The following ADGRE1 variants were observed in gnomAD, a reference collection of about 807,000 sequenced individuals.
ADGRE1 encodes the protein adhesion G protein-coupled receptor E1, also known as EGF-like module receptor 1.
ADGRE1 carries 82 observed loss-of-function variants against 102.7 expected under a neutral mutation model. The observed-to-expected ratio is 0.80, with a 90% CI of 0.67 to 0.96. ADGRE1 has a LOEUF of 0.96. ADGRE1 is among the 40% of genes least tolerant of loss of function. ADGRE1 has a pLI of 0.00. For missense variants in ADGRE1, 1,032 were observed against 1,085.3 expected, an observed-to-expected ratio of 0.95 and a Z score of 0.69; for synonymous variants, 398 against 399.6, an observed-to-expected ratio of 1.00 and a Z score of 0.05.
Position 6,940,364 on chromosome 19 carries a change from A to C in ADGRE1, c.*335A>C. ...CCTGCCCTTGTTGGTGCATGGTTCT[A>C]AGCATGCCCCTCCAGAGCCTATCAT... On this transcript the variant is annotated 3_prime_UTR_variant, in exon 21 of 21. Coordinates refer to ENST00000312053, the MANE Select transcript of ADGRE1 (RefSeq NM_001974.5). The C allele has an allele frequency of 2.3e-6, 1 of 429,826 alleles. No homozygotes were observed. Among genetic ancestry groups the C allele is most frequent in the South Asian group, 2.8e-5 (1 of 36,258 alleles). 26.6% of individuals were successfully genotyped at this position (429,826 alleles called of 1,614,324 possible). A position where few individuals can be genotyped will look rare whatever the true frequency, so the allele number is the denominator to read the frequency against.
At chr19:6,928,397 G>A (rs1000322065) in intron 17 of ADGRE1, 186 bp downstream of exon 17, 11 of 1,398,948 alleles carry the variant, frequency 7.9e-6, no homozygotes, top group African/African-American at 7.3e-5. Context: ...AGGCTGAGGC[G>A]GGTGGATCAC....
intron 14 of ADGRE1, among the ~76,000 whole-genome samples, chr19:6,922,946 G>A (rs752762247): frequency 5.9e-5 from 9 of 151,924 alleles, no homozygotes; most frequent in African/African-American, 1.7e-4. Flanking sequence ...GCGTGGTGGC[G>A]GGCACCTGCA....
intron 17 of ADGRE1, among the ~76,000 whole-genome samples, chr19:6,930,339 A>C (rs1025941987): frequency 6.6e-6 from 1 of 152,178 alleles, no homozygotes. Context: ...CCCAACCTCC[A>C]TCCAGACTTG....
At chr19:6,924,258 C>T (rs1974789065) in intron 14 of ADGRE1, among the ~76,000 whole-genome samples, 1 of 152,058 alleles carries the variant, frequency 6.6e-6, no homozygotes, top group Non-Finnish European at 1.5e-5. Flanking sequence ...TGCCACCCCA[C>T]TCCACCATGA....
chr19:6,897,125 T>C (rs753990652), intron 3 of ADGRE1, 24 bp from the exon 4 acceptor site: 2 of 1,562,812 alleles, frequency 1.3e-6, no homozygotes, highest in East Asian at 2.3e-5. Context: ...ATAAGTAAAT[T>C]TGTAACTCCA....
intron 18 of ADGRE1, among the ~76,000 whole-genome samples, chr19:6,936,041 T>C (rs1568366582): frequency 6.6e-6 from 1 of 152,218 alleles, no homozygotes; most frequent in Non-Finnish European, 1.5e-5. Context: ...GCAACCATCA[T>C]CTAGGTTTTA....
At chr19:6,930,459 G>A (rs1280628890) in intron 17 of ADGRE1, among the ~76,000 whole-genome samples, 2 of 151,764 alleles carry the variant, frequency 1.3e-5, no homozygotes, top group Non-Finnish European at 2.9e-5. Context: ...TTTAATTTTT[G>A]TGGGCACAAA....
chr19:6,890,022 T>C, intron 1 of ADGRE1, among the ~76,000 whole-genome samples: 1 of 152,044 alleles, frequency 6.6e-6, no homozygotes, highest in East Asian at 1.9e-4. Flanking sequence ...AAGCAATCCT[T>C]CCACCTCAGC....
chr19:6,919,651 G>A lies in ADGRE1; in HGVS notation c.1524G>A (p.Lys508=). The A allele has an allele frequency of 6.2e-7, 1 of 1,613,606 alleles. No homozygotes were observed. The highest frequency in any genetic ancestry group is 8.5e-7 in the Non-Finnish European group (1 of 1,179,930). The change falls in exon 13 of 21, where the codon AAG becomes AAA. Residue 508 remains lysine (K), a synonymous_variant. Coordinates refer to ENST00000312053, the MANE Select transcript of ADGRE1 (RefSeq NM_001974.5). ...CTCCCTTGACCACCTCTGAGATCAA[G>A]CTGAAGATGAATTCTCGAGTCGTTG... ...HQAPLTTSEI[K]LKMNSRVVGG... is the part of the protein sequence containing the mutation.
intron 17 of ADGRE1, among the ~76,000 whole-genome samples, chr19:6,934,043 A>C (rs1975278660): frequency 6.6e-6 from 1 of 152,142 alleles, no homozygotes; most frequent in African/African-American, 2.4e-5. Flanking sequence ...GTTTATTCCG[A>C]GATTTCTGTA....
intron 13 of ADGRE1, 100 bp downstream of exon 13, chr19:6,919,847 C>A: frequency 8.4e-7 from 1 of 1,194,992 alleles, no homozygotes; most frequent in East Asian, 2.5e-5. Flanking sequence ...GCTATTGAGG[C>A]CGGTAAGCTT....
Position 6,903,841 on chromosome 19 carries a change from C to A in ADGRE1, c.693C>A (p.Ile231=), listed in dbSNP as rs1973853989. 1.2e-6 allele frequency: 2 copies of A among 1,614,158 alleles called. No individual in the cohort carries two copies. Among genetic ancestry groups the A allele is most frequent in the Non-Finnish European group, 8.5e-7 (1 of 1,180,022 alleles). ...DIDECTEMCP[I]NSTCTNTPGS... Reference sequence around the variant, plus strand: ...ATGAATGCACTGAAATGTGCCCCATCAATTCAACATGCACCAACACTCCTG... The same window carrying A: ...ATGAATGCACTGAAATGTGCCCCATAAATTCAACATGCACCAACACTCCTG... Residue 231 remains isoleucine (I), a synonymous_variant, in exon 7 of 21, where the codon ATC becomes ATA. Coordinates refer to ENST00000312053, the MANE Select transcript of ADGRE1 (RefSeq NM_001974.5).
intron 17 of ADGRE1, among the ~76,000 whole-genome samples, chr19:6,934,419 C>CTTTTTTT (rs71177132): frequency 4.2e-5 from 4 of 95,468 alleles, no homozygotes; most frequent in Non-Finnish European, 7.7e-5. Context: ...TCTTCTTCTT[C>CTTTTTTT]TTTTTTTTTT....
chr19:6,893,148 T>C (rs550735261), intron 2 of ADGRE1, among the ~76,000 whole-genome samples: 2 of 152,332 alleles, frequency 1.3e-5, no homozygotes, highest in South Asian at 4.1e-4. Context: ...AGTCCTCCAG[T>C]TCCATCCATG....
intron 18 of ADGRE1, among the ~76,000 whole-genome samples, chr19:6,935,387 G>A (rs904298867): frequency 6.6e-6 from 1 of 152,068 alleles, no homozygotes; most frequent in Non-Finnish European, 1.5e-5. Flanking sequence ...AACAGTGAGT[G>A]TTTCATATAC....
chr19:6,895,172 C>A (rs1337212199), intron 2 of ADGRE1: 3 of 152,252 alleles, frequency 2.0e-5, no homozygotes, highest in African/African-American at 7.2e-5. Flanking sequence ...AAATGGATCA[C>A]CCCAGTCTGT....
rs550180851 is a variant in ADGRE1, at chr19:6,908,899, T to G, written c.1122+127T>G. The stretch of plus-strand genomic sequence containing the variant: ...CCATAATCCCAGCACTTTGGGAGAT[T>G]GAGTCAGATGAATCACTTGAGGTCA... On this transcript the variant is annotated intron_variant, in intron 10 of 20. Transcript: ENST00000312053. The G allele has an allele frequency of 7.7e-6, 6 of 783,120 alleles. No homozygotes were observed. The African/African-American group carries it at 1.1e-4, about 14-fold the overall frequency. The allele number at this position is 783,120 out of a possible 1,614,324, so 48.5% of individuals were successfully genotyped here.
At chr19:6,910,665 G>C (rs1013533788) in intron 10 of ADGRE1, among the ~76,000 whole-genome samples, 8 of 142,618 alleles carry the variant, frequency 5.6e-5, no homozygotes, top group African/African-American at 1.8e-4. Flanking sequence ...TCCGCCTCCC[G>C]GGTTCATGCC....
chr19:6,920,094 G>A (rs1177629559), intron 13 of ADGRE1, among the ~76,000 whole-genome samples: 2 of 152,200 alleles, frequency 1.3e-5, no homozygotes, highest in African/African-American at 4.8e-5. Flanking sequence ...TTTATAGTCG[G>A]TGGGTAATGA....
Sources: allele counts gnomAD v4.1 joint callset (sites outside exome capture counted in the v4.1 genomes callset), GRCh38; gene constraint gnomAD v4.1.1; transcripts MANE v1.5; gene names NCBI Gene and HGNC (gene_info 2026-07-23, HGNC 2026-07-21).